ISG20: variants seen among roughly 807,000 people sequenced by gnomAD.
ISG20 encodes interferon stimulated exonuclease gene 20.
In ISG20, 8 loss-of-function variants were observed where a neutral mutation model predicts 11.1. That is an observed-to-expected ratio of 0.72 (90% CI 0.42 to 1.30). The LOEUF is 1.30. Ranked by LOEUF, ISG20 falls within the 50% of genes most tolerant of loss-of-function variation. ISG20 has a pLI of 0.01. For missense variants in ISG20, 243 were observed against 250.2 expected (o/e 0.97, Z 0.19); for synonymous variants, 110 against 101.7 (o/e 1.08, Z -0.49).
At chr15:88,641,926 CTTTTT>C (rs140178121) in intron 2 of ISG20, among the ~76,000 whole-genome samples, 3 of 102,846 alleles carry the variant, frequency 2.9e-5, no homozygotes, top group African/African-American at 1.1e-4. Flanking sequence ...TTAGCTTCCT[CTTTTT>C]TTTTTTTTTT....
At chr15:88,651,747 G>T (rs892167744) in intron 2 of ISG20, 1 of 1,049,296 alleles carries the variant, frequency 9.5e-7, no homozygotes, top group Non-Finnish European at 1.2e-6. Context: ...ATCTTTGGGA[G>T]GTCATTATTC....
intron 2 of ISG20, among the ~76,000 whole-genome samples, chr15:88,645,649 T>C (rs1180052551): frequency 1.3e-5 from 2 of 152,126 alleles, no homozygotes; most frequent in Non-Finnish European, 2.9e-5. Context: ...GCTCAGCCAT[T>C]GCCTACCATG....
chr15:88,649,853 G>A (rs2058243018), intron 2 of ISG20: 2 of 277,488 alleles, frequency 7.2e-6, no homozygotes, highest in African/African-American at 4.4e-5. Flanking sequence ...TCTGTCCAGA[G>A]AAGGCCTCCA....
Position 88,639,559 on chromosome 15 carries a change from G to T in ISG20, c.193G>T (p.Val65Leu). 1 of 1,614,196 alleles carries T rather than the reference G, an allele frequency of 6.2e-7. No homozygotes were observed. Among genetic ancestry groups the T allele is most frequent in the African/African-American group, 1.3e-5 (1 of 75,068 alleles). ...CAGCGGGGTCACCCCTCAGCACATGGTGGGGGCCACACCATTTGCCGTGGC... is the reference window on the plus strand; with the variant it reads ...CAGCGGGGTCACCCCTCAGCACATGTTGGGGGCCACACCATTTGCCGTGGC... ...RVSGVTPQHM[V>L]GATPFAVARL... The change falls in exon 2 of 4, where the codon GTG becomes TTG. Residue 65 changes from valine to leucine, a missense_variant. Val to Leu is a conservative substitution (Grantham distance 32). Coordinates refer to ENST00000306072, the MANE Select transcript of ISG20 (RefSeq NM_002201.6). The surrounding 1 kb of genome is among the most constrained non-coding windows in gnomAD (Gnocchi z 4.2).
At chr15:88,646,741 G>A (rs2141397178) in intron 2 of ISG20, among the ~76,000 whole-genome samples, 1 of 152,254 alleles carries the variant, frequency 6.6e-6, no homozygotes, top group South Asian at 2.1e-4. Flanking sequence ...GTGAGTCTAG[G>A]GTTGGCCAGC....
chr15:88,639,326 C>T lies in ISG20; in HGVS notation c.-24-17C>T, dbSNP rs1387406159. 1 of 1,508,376 alleles carries T rather than the reference C, an allele frequency of 6.6e-7. No homozygotes were observed. Among genetic ancestry groups the T allele is most frequent in the Non-Finnish European group, 9.1e-7 (1 of 1,103,418 alleles). The allele number at this position is 1,508,376 out of a possible 1,614,324, so 93.4% of individuals were successfully genotyped here. ...TTTGCCCAAGCGTGAGACCGCCCCC[C>T]ATACCCCTCTCTCCAGCATCTCTGA... On this transcript the variant is annotated splice_polypyrimidine_tract_variant and intron_variant, in intron 1 of 3. Transcript: ENST00000306072. The surrounding 1 kb of genome is among the most constrained non-coding windows in gnomAD (Gnocchi z 4.2).
At chr15:88,637,624 A>G (rs1209994182), upstream of ISG20, among the ~76,000 whole-genome samples, 1 of 152,028 alleles carries the variant, frequency 6.6e-6, no homozygotes, top group Non-Finnish European at 1.5e-5. Flanking sequence ...CCATGGGGAA[A>G]ATATTGGAGG....
chr15:88,652,896 G>A (rs1435600273), intron 3 of ISG20, among the ~76,000 whole-genome samples: 4 of 151,660 alleles, frequency 2.6e-5, no homozygotes, highest in Admixed American at 6.6e-5. Context: ...GCAGGGGCCG[G>A]GGAACTGGGA....
chr15:88,649,728 C>G (rs2058240785), intron 2 of ISG20: 1 of 156,638 alleles, frequency 6.4e-6, no homozygotes, highest in South Asian at 1.9e-4. Flanking sequence ...GTTTTGTCGC[C>G]ATTTCCCAGG....
chr15:88,637,332 ATTTTTTTT>A (rs66503151), upstream of ISG20: 74 of 137,782 alleles, frequency 5.4e-4, no homozygotes, highest in Middle Eastern at 0.011. Context: ...TTGAGGTTTG[ATTTTTTTT>A]TTTTTTTTTT....
intron 2 of ISG20, among the ~76,000 whole-genome samples, chr15:88,645,839 C>T (rs994399333): frequency 2.6e-5 from 4 of 152,226 alleles, no homozygotes; most frequent in African/African-American, 9.6e-5. Flanking sequence ...CACATCATAG[C>T]TCGTCCATTC....
In ISG20 at chr15:88,651,770, T is replaced by C. The variant is rs568676892; in HGVS notation, c.229-340T>C. ...GAGGTCATTATTCTGCCTGCCATAA[T>C]AGAATTGTTGGGAAGATTAAACAAC... On this transcript the variant is annotated intron_variant, in intron 2 of 3. Coordinates refer to ENST00000306072, the MANE Select transcript of ISG20 (RefSeq NM_002201.6). 1.4e-5 allele frequency: 15 copies of C among 1,075,860 alleles called. No homozygotes were observed. The East Asian group carries it at 8.8e-4, about 63-fold the overall frequency. 66.6% of individuals were successfully genotyped at this position (1,075,860 alleles called of 1,614,324 possible). A position where few individuals can be genotyped will look rare whatever the true frequency, so the allele number is the denominator to read the frequency against.
chr15:88,652,461 C>G (rs1567123690), intron 3 of ISG20, 151 bp downstream of exon 3: 1 of 38,460 alleles, frequency 2.6e-5, no homozygotes, highest in South Asian at 1.3e-4. Flanking sequence ...CCCTCCTCCC[C>G]CTCCTCCTCC....
Position 88,655,540 on chromosome 15 carries a change from C to G in ISG20, c.*9C>G, listed in dbSNP as rs2058362627. 6 of 1,607,736 alleles carry G rather than the reference C, an allele frequency of 3.7e-6. No homozygotes were observed. The highest frequency in any genetic ancestry group is 3.3e-5 in the Admixed American group (2 of 59,810). ...TGGCTGTGTCAGACTGAAGCCCCAT[C>G]CAGCCCGTTCCGCAGGGACTAGAGG... On this transcript the variant is annotated 3_prime_UTR_variant, in exon 4 of 4. Coordinates refer to ENST00000306072, the MANE Select transcript of ISG20 (RefSeq NM_002201.6).
chr15:88,650,474 C>T lies in ISG20; in HGVS notation c.229-1636C>T. On this transcript the variant is annotated intron_variant, in intron 2 of 3. Coordinates refer to ENST00000306072, the MANE Select transcript of ISG20 (RefSeq NM_002201.6). This position sits in a 1 kb window ranked among gnomAD's most constrained non-coding sequence, Gnocchi z 4.0. ...CTGGCTTCAAGGCCTGGCTTTGCCA[C>T]TAACTAGCCGTGTGACTGTCCCAGT... is the stretch of plus-strand genomic sequence containing the variant. 6.9e-7 allele frequency: 1 copy of T among 1,440,754 alleles called. No individual in the cohort carries two copies. The highest frequency in any genetic ancestry group is 1.4e-5 in the African/African-American group (1 of 70,346). 89.2% of individuals were successfully genotyped at this position (1,440,754 alleles called of 1,614,324 possible).
At chr15:88,651,387 C>A in intron 2 of ISG20, 1 of 740,260 alleles carries the variant, frequency 1.4e-6, no homozygotes, top group Non-Finnish European at 1.6e-6. Flanking sequence ...CGAAGTTCAG[C>A]GTGGGTCTCA....
rs2058253442 is a variant in ISG20, at chr15:88,650,355, C to T, written c.229-1755C>T. 6.5e-7 allele frequency: 1 copy of T among 1,533,852 alleles called. No homozygotes were observed. Among genetic ancestry groups the T allele is most frequent in the African/African-American group, 1.4e-5 (1 of 73,016 alleles). ...GCGAGGAACGCGGGGCTGGGGCAGT[C>T]ACAGCTGGGCGCCTGGGCTGCTGGA... is the stretch of plus-strand genomic sequence containing the variant. On this transcript the variant is annotated intron_variant, in intron 2 of 3. Coordinates refer to ENST00000306072, the MANE Select transcript of ISG20 (RefSeq NM_002201.6). This position sits in a 1 kb window ranked among gnomAD's most constrained non-coding sequence, Gnocchi z 4.0.
At chr15:88,647,553 A>T (rs2141398422) in intron 2 of ISG20, 1 of 152,316 alleles carries the variant, frequency 6.6e-6, no homozygotes, top group South Asian at 2.1e-4. Context: ...CACAAATCAG[A>T]CTGTCAGCAC....
At chr15:88,645,404 G>A (rs1026506354) in intron 2 of ISG20, among the ~76,000 whole-genome samples, 1 of 152,078 alleles carries the variant, frequency 6.6e-6, no homozygotes, top group Non-Finnish European at 1.5e-5. Flanking sequence ...GACTTCTCTT[G>A]GGAACTGCGG....
Sources: allele counts gnomAD v4.1 joint callset (sites outside exome capture counted in the v4.1 genomes callset), GRCh38; gene constraint gnomAD v4.1.1; non-coding constraint Gnocchi (gnomAD v3.1); transcripts MANE v1.5; gene names NCBI Gene and HGNC (gene_info 2026-07-23, HGNC 2026-07-21).